The following STX8 variants were observed in gnomAD, a reference collection of about 807,000 sequenced individuals.
STX8 encodes the protein syntaxin-8.
Under a neutral mutation model 37.5 loss-of-function variants are expected in STX8, and 23 were observed. That is an observed-to-expected ratio of 0.61 (90% CI 0.44 to 0.87). STX8 has a LOEUF of 0.87. Ranked by LOEUF, STX8 falls within the 40% of genes least tolerant of loss-of-function variation. The pLI is 0.00. For missense variants in STX8, 313 were observed against 284.7 expected (o/e 1.10, Z -0.71); for synonymous variants, 115 against 99.1 (o/e 1.16, Z -0.95).
At chr17:9,342,308 G>C (rs1020759584) in intron 7 of STX8, among the ~76,000 whole-genome samples, 16 of 152,106 alleles carry the variant, frequency 1.1e-4, no homozygotes, top group African/African-American at 3.1e-4. Context: ...CCTGGCCCAG[G>C]GGTTGGGGAC....
intron 7 of STX8, among the ~76,000 whole-genome samples, chr17:9,288,400 G>A (rs1250431206): frequency 1.3e-5 from 2 of 152,032 alleles, no homozygotes; most frequent in African/African-American, 2.4e-5. Flanking sequence ...GGTGGCTCAC[G>A]CCTGTAATCC....
intron 7 of STX8, among the ~76,000 whole-genome samples, chr17:9,352,724 G>GCTA (rs1340138562): frequency 6.7e-6 from 1 of 149,800 alleles, no homozygotes; most frequent in Admixed American, 6.7e-5. Flanking sequence ...GGATGGTCTC[G>GCTA]ATCTCCTGAC....
In STX8 at chr17:9,299,165, G is replaced by C. The variant is rs576948929; in HGVS notation, c.644-48520C>G. Among the ~76,000 whole-genome samples, 9 of 152,250 alleles carry C rather than the reference G, an allele frequency of 5.9e-5. No homozygotes were observed. In the South Asian group the frequency reaches 1.9e-3, roughly 32 times the overall value. ...CAGATGGCACTGGTGACCAACACAA[G>C]CCTTCTCCAACACACACTCACGCAG... is the stretch of plus-strand genomic sequence containing the variant. On this transcript the variant is annotated intron_variant, in intron 7 of 7. Transcript: ENST00000306357.
intron 4 of STX8, among the ~76,000 whole-genome samples, chr17:9,505,484 A>G (rs976513585): frequency 6.6e-6 from 1 of 152,220 alleles, no homozygotes; most frequent in African/African-American, 2.4e-5. Context: ...TTAAATTTCA[A>G]AAACAGAAGG....
chr17:9,376,616 T>G (rs1463242638), intron 7 of STX8, among the ~76,000 whole-genome samples: 1 of 152,168 alleles, frequency 6.6e-6, no homozygotes, highest in Non-Finnish European at 1.5e-5. Flanking sequence ...TCACAATAAA[T>G]CTTGCTGCTG....
intron 6 of STX8, among the ~76,000 whole-genome samples, chr17:9,412,078 G>A (rs182985888): frequency 6.6e-6 from 1 of 152,238 alleles, no homozygotes; most frequent in East Asian, 1.9e-4. Context: ...TAAAAAGTGA[G>A]TATTCAGTCA....
At position 9,286,723 on chromosome 17, in the gene STX8, T is replaced by C. The variant is rs56065647; in HGVS notation, c.644-36078A>G. On this transcript the variant is annotated intron_variant, in intron 7 of 7. Transcript: ENST00000306357. ...AAAAAAAGTCCTGTTAGCTGAACTA[T>C]GTGGCCCCTTGGGACGGTGTGTGGT... 1.3e-3 allele frequency among the ~76,000 whole-genome samples: 199 copies of C among 149,640 alleles called. 1 individual carries two copies. The highest frequency in any genetic ancestry group is 4.7e-3 in the African/African-American group (190 of 40,680).
intron 7 of STX8, among the ~76,000 whole-genome samples, chr17:9,270,448 G>A (rs942420872): frequency 6.6e-6 from 1 of 151,916 alleles, no homozygotes; most frequent in Non-Finnish European, 1.5e-5. Context: ...TAGAGACAGG[G>A]TCTCACCATG....
At chr17:9,284,490 G>A (rs892970427) in intron 7 of STX8, among the ~76,000 whole-genome samples, 2 of 152,100 alleles carry the variant, frequency 1.3e-5, no homozygotes, top group African/African-American at 2.4e-5. Context: ...CTGGAGATAC[G>A]GAGATAAACA....
intron 7 of STX8, among the ~76,000 whole-genome samples, chr17:9,252,270 C>T (rs1479573418): frequency 6.6e-6 from 1 of 152,090 alleles, no homozygotes; most frequent in Non-Finnish European, 1.5e-5. Flanking sequence ...TGGTGAAACC[C>T]CATCTCTACT....
intron 6 of STX8, among the ~76,000 whole-genome samples, chr17:9,463,455 T>A (rs1047629680): frequency 6.6e-6 from 1 of 152,160 alleles, no homozygotes; most frequent in African/African-American, 2.4e-5. Flanking sequence ...CAAATCAAAA[T>A]ACTTTTATTT....
At chr17:9,278,109 G>A (rs919995963) in intron 7 of STX8, among the ~76,000 whole-genome samples, 2 of 152,134 alleles carry the variant, frequency 1.3e-5, no homozygotes, top group Non-Finnish European at 2.9e-5. Context: ...CTGGGTAAGA[G>A]GGTGACATGA....
chr17:9,448,048 G>A (rs959540881), intron 6 of STX8, among the ~76,000 whole-genome samples: 6 of 151,664 alleles, frequency 4.0e-5, no homozygotes, highest in African/African-American at 7.3e-5. Context: ...GGCGGTGTGC[G>A]CCTGTAGTCC....
At chr17:9,358,262 C>T (rs1208747677) in intron 7 of STX8, among the ~76,000 whole-genome samples, 1 of 152,144 alleles carries the variant, frequency 6.6e-6, no homozygotes, top group Admixed American at 6.5e-5. Flanking sequence ...GGGACGAACT[C>T]CAGGGCTCAA....
At chr17:9,563,152 C>CATTCATTTATTT (rs1555537848) in intron 2 of STX8, among the ~76,000 whole-genome samples, 5 of 142,082 alleles carry the variant, frequency 3.5e-5, no homozygotes, top group South Asian at 4.6e-4. Flanking sequence ...TTCATTCATC[C>CATTCATTTATTT]ATTTATTTAT....
intron 6 of STX8, among the ~76,000 whole-genome samples, chr17:9,462,980 T>C (rs367633398): frequency 8.5e-5 from 13 of 152,274 alleles, no homozygotes; most frequent in African/African-American, 3.1e-4. Context: ...CACAGCCTTA[T>C]AAAGTCCAAG....
chr17:9,550,421 T>C (rs377041008), intron 3 of STX8, among the ~76,000 whole-genome samples: 2 of 150,860 alleles, frequency 1.3e-5, no homozygotes, highest in East Asian at 2.0e-4. Context: ...TTCATGGATA[T>C]GTAAGGTTGT....
chr17:9,527,165 G>A (rs1195906052), intron 4 of STX8, among the ~76,000 whole-genome samples: 4 of 66,876 alleles, frequency 6.0e-5, no homozygotes, highest in East Asian at 5.0e-4. Flanking sequence ...CGGCCTGGGC[G>A]ACAGAGCGAG....
chr17:9,305,285 G>T (rs977463052), intron 7 of STX8, among the ~76,000 whole-genome samples: 1 of 152,024 alleles, frequency 6.6e-6, no homozygotes, highest in Non-Finnish European at 1.5e-5. Context: ...TAGAGATGGG[G>T]TTGCACCATG....
Sources: gnomAD v4.1 joint callset for allele counts (sites outside exome capture counted in the v4.1 genomes callset) on GRCh38, gnomAD v4.1.1 for gene constraint, MANE v1.5 for transcripts, NCBI Gene and HGNC (gene_info 2026-07-23, HGNC 2026-07-21) for gene names.